The following SYT17 variants were observed in gnomAD, a reference collection of about 807,000 sequenced individuals.
SYT17 encodes the protein synaptotagmin-17.
SYT17 carries 22 observed loss-of-function variants against 46.7 expected under a neutral mutation model. The ratio of observed to expected loss-of-function variants is 0.47; its 90% CI spans 0.34 to 0.67. The LOEUF is 0.67. Among genes scored for constraint, SYT17 ranks in the 30% least tolerant of loss-of-function variants. The pLI, the probability that SYT17 is intolerant of heterozygous loss-of-function variation, is 0.01. For synonymous variants in SYT17, 251 were observed against 248.4 expected, an observed-to-expected ratio of 1.01 and a Z score of -0.10; for missense variants, 519 against 612.8, an observed-to-expected ratio of 0.85 and a Z score of 1.62.
At chr16:19,176,979 C>T (rs74011525) in intron 3 of SYT17, among the ~76,000 whole-genome samples, 7,888 of 152,128 alleles carry the variant, frequency 0.052, 701 homozygotes, top group African/African-American at 0.18. Context: ...GGATTTTCTT[C>T]GATACCAGCG....
At chr16:19,240,822 C>T (rs1056008192) in intron 7 of SYT17, among the ~76,000 whole-genome samples, 12 of 152,174 alleles carry the variant, frequency 7.9e-5, no homozygotes, top group East Asian at 3.9e-4. Context: ...TCAGCCTCCC[C>T]GTCATACTTG....
At chr16:19,209,645 C>T (rs533130944) in intron 5 of SYT17, among the ~76,000 whole-genome samples, 24 of 151,524 alleles carry the variant, frequency 1.6e-4, no homozygotes, top group Admixed American at 3.9e-4. Flanking sequence ...CCGAGGTGGG[C>T]GGATCACAAG....
chr16:19,169,461 G>T (rs1399964350), intron 1 of SYT17, among the ~76,000 whole-genome samples: 7 of 152,228 alleles, frequency 4.6e-5, no homozygotes, highest in Non-Finnish European at 1.0e-4. Flanking sequence ...TGCTTCTGGC[G>T]CTGGCGCCTC....
intron 5 of SYT17, among the ~76,000 whole-genome samples, chr16:19,187,184 G>A (rs1964822212): frequency 6.6e-6 from 1 of 152,092 alleles, no homozygotes; most frequent in African/African-American, 2.4e-5. Flanking sequence ...ACAGTTGTAT[G>A]CCGCTGCACC....
intron 7 of SYT17, among the ~76,000 whole-genome samples, chr16:19,247,856 G>A (rs1176922021): frequency 6.6e-6 from 1 of 152,172 alleles, no homozygotes; most frequent in African/African-American, 2.4e-5. Context: ...TTTTTGCAAT[G>A]AGTGAAAAAG....
At chr16:19,263,110 C>T (rs1048900933) in intron 7 of SYT17, among the ~76,000 whole-genome samples, 3 of 151,832 alleles carry the variant, frequency 2.0e-5, no homozygotes, top group Non-Finnish European at 4.4e-5. Flanking sequence ...TAAAACTCAC[C>T]CTTTTGGTGT....
At chr16:19,173,602 C>T (rs1204025051) in intron 3 of SYT17, 24 bp downstream of exon 3, 2 of 1,608,448 alleles carry the variant, frequency 1.2e-6, no homozygotes, top group South Asian at 1.1e-5. Context: ...CTCTGAACTT[C>T]TCTGAAATCA....
intron 7 of SYT17, among the ~76,000 whole-genome samples, chr16:19,242,381 G>A (rs1967197872): frequency 6.6e-6 from 1 of 152,162 alleles, no homozygotes; most frequent in Non-Finnish European, 1.5e-5. Flanking sequence ...AAGGCCCTGG[G>A]GCAGGAATGA....
At chr16:19,260,193 TAA>T (rs941022930) in intron 7 of SYT17, among the ~76,000 whole-genome samples, 1 of 151,910 alleles carries the variant, frequency 6.6e-6, no homozygotes, top group African/African-American at 2.4e-5. Flanking sequence ...TTACCAGATT[TAA>T]AGAGTCTCTT....
intron 3 of SYT17, among the ~76,000 whole-genome samples, chr16:19,178,540 C>T (rs1287353227): frequency 6.6e-6 from 1 of 152,216 alleles, no homozygotes; most frequent in Non-Finnish European, 1.5e-5. Flanking sequence ...GATCCACCCA[C>T]CTCAGCCTCC....
chr16:19,222,666 C>T (rs911184022), intron 5 of SYT17, among the ~76,000 whole-genome samples: 1 of 152,196 alleles, frequency 6.6e-6, no homozygotes, highest in Non-Finnish European at 1.5e-5. Context: ...TGGCTTTGGA[C>T]ATGTTATTTA....
intron 7 of SYT17, among the ~76,000 whole-genome samples, chr16:19,249,556 G>A (rs1168748465): frequency 1.3e-5 from 2 of 152,144 alleles, no homozygotes; most frequent in Admixed American, 6.5e-5. Flanking sequence ...ATAAGACTGC[G>A]GGGATATTTT....
chr16:19,240,436 A>C (rs1051321199), intron 7 of SYT17, among the ~76,000 whole-genome samples: 1 of 152,108 alleles, frequency 6.6e-6, no homozygotes, highest in Non-Finnish European at 1.5e-5. Flanking sequence ...CAGGTCATCC[A>C]AGTGTCCAGC....
chr16:19,231,387 A>G (rs1966676309), intron 7 of SYT17, among the ~76,000 whole-genome samples: 1 of 152,028 alleles, frequency 6.6e-6, no homozygotes, highest in Admixed American at 6.6e-5. Flanking sequence ...CCTGGCCAAC[A>G]TGGTGTAACC....
At chr16:19,258,712 T>C (rs1028175643) in intron 7 of SYT17, among the ~76,000 whole-genome samples, 2 of 152,138 alleles carry the variant, frequency 1.3e-5, no homozygotes, top group African/African-American at 2.4e-5. Context: ...TAGTGTGAGA[T>C]GATAGGAGCT....
chr16:19,182,397 G>C (rs1481999737), intron 4 of SYT17, among the ~76,000 whole-genome samples: 1 of 152,206 alleles, frequency 6.6e-6, no homozygotes, highest in East Asian at 1.9e-4. Context: ...CTGGACGATA[G>C]AGCAAGACTC....
At chr16:19,264,883 C>A (rs558138107) in intron 7 of SYT17, among the ~76,000 whole-genome samples, 1 of 152,062 alleles carries the variant, frequency 6.6e-6, no homozygotes. Context: ...TGCGAGCCAC[C>A]GTGCCCAGTC....
rs760491642 is a variant in SYT17 at position 19,223,047 on chromosome 16, T to G, written c.954T>G (p.Asn318Lys). Reference protein sequence around the residue: ...WWKALIPSSQNEVELGELLLS... With the variant: ...WWKALIPSSQKEVELGELLLS... ...CTGATCATTTCCTTTCTCTACAGAATGAAGTGGAGCTGGGGGAGCTGCTTC... is the reference window on the plus strand; with the variant it reads ...CTGATCATTTCCTTTCTCTACAGAAGGAAGTGGAGCTGGGGGAGCTGCTTC... The change falls in exon 6 of 8, where the codon AAT (asparagine) becomes AAG (lysine). Residue 318 changes from asparagine to lysine, a missense_variant and splice_region_variant. Transcript: ENST00000355377. The G allele has an allele frequency of 6.2e-7, 1 of 1,613,880 alleles. No individual in the cohort carries two copies. The highest frequency in any genetic ancestry group is 1.1e-5 in the South Asian group (1 of 91,062).
intron 7 of SYT17, among the ~76,000 whole-genome samples, chr16:19,264,925 G>A (rs1969261744): frequency 6.6e-6 from 1 of 152,136 alleles, no homozygotes; most frequent in South Asian, 2.1e-4. Context: ...CTTTCACAAA[G>A]AAGTAGAACC....
Sources: allele counts gnomAD v4.1 joint callset (sites outside exome capture counted in the v4.1 genomes callset), GRCh38; gene constraint gnomAD v4.1.1; transcripts MANE v1.5; gene names NCBI Gene and HGNC (gene_info 2026-07-23, HGNC 2026-07-21).